The following SUPT3H variants were observed in gnomAD, a reference collection of about 807,000 sequenced individuals.
The protein encoded by SUPT3H is SPT3 homolog, SAGA and STAGA complex component.
SUPT3H carries 44 observed loss-of-function variants against 44.3 expected under a neutral mutation model. The ratio of observed to expected loss-of-function variants is 0.99; its 90% CI spans 0.78 to 1.28. The LOEUF is 1.28. SUPT3H is among the 50% of genes most tolerant of loss of function. The pLI is 0.00. For synonymous variants in SUPT3H, 124 were observed against 125.6 expected (o/e 0.99, Z 0.09); for missense variants, 380 against 387.1 (o/e 0.98, Z 0.15).
At chr6:45,241,217 A>G (rs1434925739) in intron 2 of SUPT3H, among the ~76,000 whole-genome samples, 1 of 142,082 alleles carries the variant, frequency 7.0e-6, no homozygotes, top group Non-Finnish European at 1.6e-5. Context: ...CCCCCCCCCA[A>G]ATCTTGCCAT....
intron 2 of SUPT3H, among the ~76,000 whole-genome samples, chr6:45,229,807 C>T (rs1245107516): frequency 6.6e-6 from 1 of 151,984 alleles, no homozygotes; most frequent in Non-Finnish European, 1.5e-5. Context: ...AATCCAACAT[C>T]TTGACTATTT....
At chr6:45,254,937 A>G (rs6458435) in intron 2 of SUPT3H, among the ~76,000 whole-genome samples, 132,268 of 152,026 alleles carry the variant, frequency 0.87, 57,786 homozygotes, top group African/African-American at 0.91. Context: ...GATCTACACT[A>G]TATAGGCTAT....
chr6:45,111,258 C>T (rs1583596630), intron 2 of SUPT3H, among the ~76,000 whole-genome samples: 1 of 152,080 alleles, frequency 6.6e-6, no homozygotes, highest in East Asian at 1.9e-4. Flanking sequence ...GTCTCGAACT[C>T]CTGACCTCGT....
At chr6:45,154,654 A>C (rs1248869935) in intron 2 of SUPT3H, among the ~76,000 whole-genome samples, 1 of 152,182 alleles carries the variant, frequency 6.6e-6, no homozygotes, top group African/African-American at 2.4e-5. Flanking sequence ...ACTTAGTCCC[A>C]GGCCATTGTT....
intron 2 of SUPT3H, among the ~76,000 whole-genome samples, chr6:45,285,755 T>C (rs1041533494): frequency 2.0e-5 from 3 of 152,068 alleles, no homozygotes; most frequent in Non-Finnish European, 2.9e-5. Context: ...TTAAAGTTCA[T>C]ATGGAACCAA....
chr6:45,312,616 A>C (rs1249503375), intron 2 of SUPT3H, among the ~76,000 whole-genome samples: 1 of 136,522 alleles, frequency 7.3e-6, no homozygotes, highest in Admixed American at 7.8e-5. Flanking sequence ...CTAATACTGG[A>C]GCTCCCAAAT....
chr6:45,028,663 T>C (rs1271953869), intron 3 of SUPT3H, among the ~76,000 whole-genome samples: 3 of 151,922 alleles, frequency 2.0e-5, no homozygotes, highest in African/African-American at 7.2e-5. Flanking sequence ...TTCTATATAT[T>C]ATCTCATTTA....
chr6:45,190,493 T>C (rs1814947944), intron 2 of SUPT3H, among the ~76,000 whole-genome samples: 2 of 151,954 alleles, frequency 1.3e-5, no homozygotes, highest in South Asian at 4.1e-4. Flanking sequence ...TGCTGAAACT[T>C]ATGTGAAAAA....
chr6:45,364,453 A>T (rs1049490874), intron 2 of SUPT3H, among the ~76,000 whole-genome samples: 7 of 152,178 alleles, frequency 4.6e-5, no homozygotes, highest in African/African-American at 1.7e-4. Flanking sequence ...GTCATGAATA[A>T]TGTATCCACA....
intron 2 of SUPT3H, among the ~76,000 whole-genome samples, chr6:45,337,749 C>G (rs1022332645): frequency 6.6e-6 from 1 of 151,792 alleles, no homozygotes; most frequent in African/African-American, 2.4e-5. Flanking sequence ...AAATCTAAGA[C>G]GCCCCTCCAC....
intron 2 of SUPT3H, among the ~76,000 whole-genome samples, chr6:45,281,355 TGACA>T (rs1416779891): frequency 6.6e-5 from 10 of 152,034 alleles, no homozygotes; most frequent in African/African-American, 4.8e-5. Context: ...AAGAAAGGGG[TGACA>T]GACAGCACCT....
intron 10 of SUPT3H, among the ~76,000 whole-genome samples, chr6:44,929,351 A>G (rs1321264220): frequency 6.6e-6 from 1 of 152,190 alleles, no homozygotes; most frequent in Non-Finnish European, 1.5e-5. Flanking sequence ...TAAACTATTA[A>G]CAATATCAAA....
intron 3 of SUPT3H, among the ~76,000 whole-genome samples, chr6:45,059,507 A>G (rs914585584): frequency 6.6e-6 from 1 of 152,180 alleles, no homozygotes; most frequent in Non-Finnish European, 1.5e-5. Flanking sequence ...AGCTGGAAGC[A>G]TTCCCCAGAA....
chr6:44,986,686 ATAC>A (rs1270911918), intron 6 of SUPT3H, among the ~76,000 whole-genome samples: 1 of 152,172 alleles, frequency 6.6e-6, no homozygotes. Flanking sequence ...ACAGAATCAC[ATAC>A]TAAAGATATT....
intron 5 of SUPT3H, among the ~76,000 whole-genome samples, chr6:45,007,724 G>A (rs1782912047): frequency 6.7e-6 from 1 of 149,454 alleles, no homozygotes; most frequent in South Asian, 2.1e-4. Context: ...CTCACCCTAA[G>A]TATTCCCCCC....
intron 10 of SUPT3H, among the ~76,000 whole-genome samples, chr6:44,832,457 A>C (rs1768988886): frequency 6.6e-6 from 1 of 152,066 alleles, no homozygotes; most frequent in African/African-American, 2.4e-5. Context: ...CCACTACTGA[A>C]AATTATAGCT....
At chr6:44,906,381 A>C (rs1266596365) in intron 10 of SUPT3H, among the ~76,000 whole-genome samples, 1 of 152,186 alleles carries the variant, frequency 6.6e-6, no homozygotes, top group East Asian at 1.9e-4. Flanking sequence ...TGGCTAAGCC[A>C]CCAAATCTAT....
intron 1 of SUPT3H, among the ~76,000 whole-genome samples, chr6:45,369,064 A>T (rs1050738008): frequency 6.6e-6 from 1 of 152,280 alleles, no homozygotes; most frequent in African/African-American, 2.4e-5. Context: ...AGTGTTTAGA[A>T]TAACACAAAG....
rs573068396 is a variant in SUPT3H at position 44,846,719 on chromosome 6, C to A, written c.913-16862G>T. On this transcript the variant is annotated intron_variant, in intron 10 of 10. Coordinates refer to ENST00000371459, the MANE Select transcript of SUPT3H (RefSeq NM_003599.4). ...CAATACTGGCTCACTGCAACCTCCG[C>A]CTCCTGGGTTCAAGCAATTCTCCTG... is the stretch of plus-strand genomic sequence containing the variant. 6.6e-5 allele frequency among the ~76,000 whole-genome samples: 10 copies of A among 152,144 alleles called. No homozygotes were observed. The South Asian group carries it at 2.1e-3, about 32-fold the overall frequency.
Sources: gnomAD v4.1 joint callset for allele counts (sites outside exome capture counted in the v4.1 genomes callset) on GRCh38, gnomAD v4.1.1 for gene constraint, MANE v1.5 for transcripts, NCBI Gene and HGNC (gene_info 2026-07-23, HGNC 2026-07-21) for gene names.